The following STARD9 variants were observed in gnomAD, a reference collection of about 807,000 sequenced individuals.
STARD9 encodes the protein StAR related lipid transfer domain containing 9, also known as stAR-related lipid transfer protein 9.
Under a neutral mutation model 399.8 loss-of-function variants are expected in STARD9, and 346 were observed. The ratio of observed to expected loss-of-function variants is 0.87; its 90% CI spans 0.79 to 0.95. The LOEUF is 0.95. Among genes scored for constraint, STARD9 ranks in the 40% least tolerant of loss-of-function variants. The pLI is 0.00. For missense variants in STARD9, 5,832 were observed against 5,667.5 expected (o/e 1.03, Z -0.93); for synonymous variants, 2,203 against 2,143.5 (o/e 1.03, Z -0.77).
At chr15:42,586,154 C>T (rs2058273465) in intron 3 of STARD9, among the ~76,000 whole-genome samples, 1 of 152,182 alleles carries the variant, frequency 6.6e-6, no homozygotes, top group South Asian at 2.1e-4. Flanking sequence ...TAAGTTAGCT[C>T]AGGTAGTGTT....
chr15:42,581,267 G>T, intron 1 of STARD9: 1 of 911,194 alleles, frequency 1.1e-6, no homozygotes, highest in Non-Finnish European at 1.9e-6. Context: ...ATATTGGGCA[G>T]ATGGCAGGTG....
At chr15:42,650,137 A>G (rs969738084) in intron 7 of STARD9, among the ~76,000 whole-genome samples, 1 of 152,180 alleles carries the variant, frequency 6.6e-6, no homozygotes, top group Non-Finnish European at 1.5e-5. Context: ...TGCTGGGATT[A>G]CAGGCATGAA....
rs143587129 is a variant in STARD9 at position 42,690,714 on chromosome 15, A to G, written c.9136A>G (p.Thr3046Ala). Residue 3046 changes from threonine to alanine, a missense_variant, in exon 23 of 33, where the codon ACT becomes GCT. Transcript: ENST00000290607. The stretch of plus-strand genomic sequence containing the variant: ...AGAGAGCAGCACTTGTGAGCCTTCT[A>G]CTGTGGCTGCTGTCCTATCTCGAGC... ...LTESSTCEPS[T>A]VAAVLSRAQG... The G allele has an allele frequency of 1.6e-4, 240 of 1,537,194 alleles. 2 individuals carry two copies. The African/African-American group carries it at 2.9e-3, about 18-fold the overall frequency.
At chr15:42,628,461 T>C (rs544111850) in intron 3 of STARD9, among the ~76,000 whole-genome samples, 9 of 152,332 alleles carry the variant, frequency 5.9e-5, no homozygotes, top group Non-Finnish European at 1.3e-4. Flanking sequence ...ATTTTTGCTT[T>C]AGTTGCCTGT....
chr15:42,596,956 T>A (rs1236968392), intron 3 of STARD9, among the ~76,000 whole-genome samples: 1 of 152,236 alleles, frequency 6.6e-6, no homozygotes, highest in Non-Finnish European at 1.5e-5. Flanking sequence ...TCTTTTGGTA[T>A]CCTTCTAGAT....
At chr15:42,707,658 G>A (rs2140365923) in intron 26 of STARD9, among the ~76,000 whole-genome samples, 1 of 152,164 alleles carries the variant, frequency 6.6e-6, no homozygotes, top group Non-Finnish European at 1.5e-5. Context: ...TTTTAGTGGA[G>A]ACGGACTTTT....
In STARD9 at chr15:42,712,076, AT is replaced by A. The variant is rs1309736398; in HGVS notation, c.13285-4600del. ...GTTGAGCATCTTTTTATATATATATATATATTATATATATATATATAATATA... is the reference window on the plus strand; with the variant it reads ...GTTGAGCATCTTTTTATATATATATAATATTATATATATATATATAATATA... On this transcript the variant is annotated intron_variant, in intron 26 of 32. Transcript: ENST00000290607. Among the ~76,000 whole-genome samples the A allele has an allele frequency of 4.2e-4, 18 of 42,522 alleles. 6 individuals are homozygous for A. The highest frequency in any genetic ancestry group is 1.6e-3 in the African/African-American group (4 of 2,454). The allele number at this position is 42,522 out of a possible 152,430, so 27.9% of individuals were successfully genotyped here.
intron 27 of STARD9, 60 bp downstream of exon 27, chr15:42,716,824 T>A (rs1172326124): frequency 6.6e-7 from 1 of 1,521,886 alleles, no homozygotes; most frequent in African/African-American, 1.4e-5. Flanking sequence ...TGGGGGCTGA[T>A]GGCTGCTAGA....
In STARD9 at chr15:42,693,318, T is replaced by TC. The variant is rs1337970273; in HGVS notation, c.11744dup (p.Gly3916ArgfsTer14). 1 of 1,536,898 alleles carries TC rather than the reference T, an allele frequency of 6.5e-7. No individual in the cohort carries two copies. Among genetic ancestry groups the TC allele is most frequent in the Non-Finnish European group, 8.7e-7 (1 of 1,146,868 alleles). On this transcript the variant is annotated frameshift_variant, in exon 23 of 33. Coordinates refer to ENST00000290607, the MANE Select transcript of STARD9 (RefSeq NM_020759.3). LOFTEE classifies it high-confidence loss of function. ...TGCCAGCACCCAAGAGCCGGGTCTT[T>TC]CCCCAGGCTCTTTGACCCTCTCAGC...
At chr15:42,718,399 T>C (rs921400753) in intron 30 of STARD9, 36 bp from the exon 31 acceptor site, 7 of 1,506,236 alleles carry the variant, frequency 4.6e-6, no homozygotes, top group South Asian at 1.2e-5. Flanking sequence ...GGTCTGTCCA[T>C]GGGCCTCCTG....
At chr15:42,610,861 C>T (rs1006347714) in intron 3 of STARD9, among the ~76,000 whole-genome samples, 1 of 152,182 alleles carries the variant, frequency 6.6e-6, no homozygotes, top group Non-Finnish European at 1.5e-5. Flanking sequence ...CTGATTCTTT[C>T]TTAACTGATA....
intron 7 of STARD9, among the ~76,000 whole-genome samples, chr15:42,649,324 G>A (rs570992508): frequency 3.6e-4 from 55 of 152,124 alleles, no homozygotes; most frequent in African/African-American, 1.3e-3. Flanking sequence ...CACTGCACCC[G>A]GCTCCCTCCA....
intron 3 of STARD9, among the ~76,000 whole-genome samples, chr15:42,602,133 T>C (rs1331230012): frequency 3.3e-5 from 5 of 152,218 alleles, no homozygotes; most frequent in African/African-American, 1.2e-4. Context: ...CATTAGCTGC[T>C]GCACCCAGCC....
At chr15:42,620,847 A>G (rs942543987) in intron 3 of STARD9, among the ~76,000 whole-genome samples, 6 of 151,858 alleles carry the variant, frequency 4.0e-5, no homozygotes, top group Non-Finnish European at 8.8e-5. Context: ...CTCCACCTCC[A>G]AGGTTCCAGC....
At chr15:42,660,087 C>T (rs1482845850) in intron 9 of STARD9, among the ~76,000 whole-genome samples, 1 of 152,028 alleles carries the variant, frequency 6.6e-6, no homozygotes, top group African/African-American at 2.4e-5. Context: ...TAATTATGTA[C>T]AGTGAAAAGA....
At chr15:42,700,442 G>C (rs1007311336) in intron 26 of STARD9, among the ~76,000 whole-genome samples, 1 of 152,158 alleles carries the variant, frequency 6.6e-6, no homozygotes, top group African/African-American at 2.4e-5. Context: ...ACCAGCATTT[G>C]TTGTTTTTTG....
chr15:42,675,027 G>A, intron 18 of STARD9, 63 bp downstream of exon 18: 2 of 1,421,444 alleles, frequency 1.4e-6, no homozygotes, highest in Admixed American at 2.8e-5. Context: ...AGTTTCATGG[G>A]CCCAAAGAGC....
intron 7 of STARD9, among the ~76,000 whole-genome samples, chr15:42,649,562 CTTT>C (rs754040468): frequency 1.4e-5 from 2 of 143,740 alleles, no homozygotes. Context: ...AGCAGAGTTA[CTTT>C]TTTTTTTTTT....
At chr15:42,695,452 C>T (rs2060822476) in intron 25 of STARD9, 129 bp downstream of exon 25, 2 of 916,630 alleles carry the variant, frequency 2.2e-6, no homozygotes, top group Admixed American at 2.9e-5. Flanking sequence ...CCCCTGTTGT[C>T]AACTCAAAGC....
Sources: gnomAD v4.1 joint callset for allele counts (sites outside exome capture counted in the v4.1 genomes callset) on GRCh38, gnomAD v4.1.1 for gene constraint, MANE v1.5 for transcripts, NCBI Gene and HGNC (gene_info 2026-07-23, HGNC 2026-07-21) for gene names.